NEGR1: variants seen among roughly 807,000 people sequenced by gnomAD.
The protein encoded by NEGR1 is neuronal growth regulator 1, also known as IgLON family member 4.
Under a neutral mutation model 40.9 loss-of-function variants are expected in NEGR1, and 10 were observed. The observed-to-expected ratio is 0.24, with a 90% confidence interval of 0.15 to 0.42. The LOEUF (loss-of-function observed/expected upper bound fraction) is 0.42. Among genes scored for constraint, NEGR1 ranks in the 10% least tolerant of loss-of-function variants. The probability of loss-of-function intolerance (pLI) is 1.00; values close to 1 mark genes in which losing one functional copy is unlikely to be tolerated. For synonymous variants in NEGR1, 185 were observed against 166.8 expected (o/e 1.11, Z -0.84); for missense variants, 352 against 438.9 (o/e 0.80, Z 1.77).
intron 3 of NEGR1, among the ~76,000 whole-genome samples, chr1:71,748,370 C>T (rs1460340472): frequency 6.6e-6 from 1 of 152,108 alleles, no homozygotes; most frequent in African/African-American, 2.4e-5. Context: ...ATGAAACATA[C>T]AAATAGGTCT....
chr1:71,762,333 T>A (rs527503757), intron 3 of NEGR1, among the ~76,000 whole-genome samples: 1 of 151,714 alleles, frequency 6.6e-6, no homozygotes, highest in East Asian at 1.9e-4. Context: ...ATAATTAAAT[T>A]ACATGTAAAT....
intron 6 of NEGR1, among the ~76,000 whole-genome samples, chr1:71,490,944 T>C (rs1646923619): frequency 6.6e-6 from 1 of 151,996 alleles, no homozygotes; most frequent in Non-Finnish European, 1.5e-5. Context: ...GGGTTTTCCA[T>C]GATGTGCAGT....
At chr1:71,969,375 A>G (rs918563047) in intron 1 of NEGR1, among the ~76,000 whole-genome samples, 3 of 152,184 alleles carry the variant, frequency 2.0e-5, no homozygotes, top group African/African-American at 7.2e-5. Flanking sequence ...AAGAACTAAG[A>G]TTCTTCTGTT....
At chr1:71,729,848 G>GTT (rs571150264) in intron 3 of NEGR1, among the ~76,000 whole-genome samples, 92 of 142,332 alleles carry the variant, frequency 6.5e-4, no homozygotes, top group South Asian at 1.8e-3. Context: ...TTGGTTTTTG[G>GTT]TTTTTTTTTT....
chr1:71,507,827 C>T, intron 6 of NEGR1, among the ~76,000 whole-genome samples: 1 of 152,180 alleles, frequency 6.6e-6, no homozygotes, highest in East Asian at 1.9e-4. Context: ...CATCCCCCTT[C>T]TTCTGGAAAG....
intron 1 of NEGR1, among the ~76,000 whole-genome samples, chr1:72,097,650 C>T (rs768919771): frequency 2.0e-5 from 3 of 152,172 alleles, no homozygotes; most frequent in Non-Finnish European, 4.4e-5. Context: ...TTTCATGCTT[C>T]GCAAAAGATT....
At chr1:71,559,011 G>C (rs898569192) in intron 6 of NEGR1, among the ~76,000 whole-genome samples, 16 of 57,462 alleles carry the variant, frequency 2.8e-4, no homozygotes, top group Non-Finnish European at 4.5e-4. Flanking sequence ...TATCTTCTCT[G>C]TGTGTGTGTA....
chr1:71,412,826 C>T (rs976227529), intron 6 of NEGR1, among the ~76,000 whole-genome samples: 18 of 151,924 alleles, frequency 1.2e-4, no homozygotes, highest in Admixed American at 7.2e-4. Flanking sequence ...AGAGAGAATA[C>T]GCAGCCCTTT....
At chr1:72,207,817 T>C (rs558796063) in intron 1 of NEGR1, among the ~76,000 whole-genome samples, 1 of 151,886 alleles carries the variant, frequency 6.6e-6, no homozygotes, top group South Asian at 2.1e-4. Flanking sequence ...CAAGTACAAC[T>C]AGTTAGCTTT....
chr1:72,147,402 A>G (rs1650949898), intron 1 of NEGR1, among the ~76,000 whole-genome samples: 1 of 152,070 alleles, frequency 6.6e-6, no homozygotes. Flanking sequence ...ATTCACTATC[A>G]CAAGAATAGC....
At chr1:71,863,059 G>C (rs996649641) in intron 2 of NEGR1, among the ~76,000 whole-genome samples, 1 of 151,960 alleles carries the variant, frequency 6.6e-6, no homozygotes, top group African/African-American at 2.4e-5. Flanking sequence ...AAGGACCTAG[G>C]AGCAGAAATA....
At chr1:71,479,924 A>G (rs569237672) in intron 6 of NEGR1, among the ~76,000 whole-genome samples, 1 of 152,024 alleles carries the variant, frequency 6.6e-6, no homozygotes, top group South Asian at 2.1e-4. Flanking sequence ...ATTGTTTAGC[A>G]TGCTTTAAGT....
chr1:71,745,795 C>T (rs1477368102), intron 3 of NEGR1, among the ~76,000 whole-genome samples: 1 of 152,174 alleles, frequency 6.6e-6, no homozygotes, highest in African/African-American at 2.4e-5. Context: ...ACCAAACAAA[C>T]AAACAAACAG....
intron 2 of NEGR1, among the ~76,000 whole-genome samples, chr1:71,832,428 T>C (rs1288701529): frequency 1.3e-5 from 2 of 152,002 alleles, no homozygotes; most frequent in African/African-American, 4.8e-5. Context: ...AGAAGCCCTC[T>C]AAGGCACTAG....
intron 1 of NEGR1, among the ~76,000 whole-genome samples, chr1:72,251,472 G>T (rs904049081): frequency 1.3e-4 from 19 of 151,994 alleles, no homozygotes; most frequent in Admixed American, 3.3e-4. Flanking sequence ...ATCCATACGG[G>T]GTTAGTTTCA....
At chr1:71,813,240 G>A (rs923497868) in intron 2 of NEGR1, among the ~76,000 whole-genome samples, 6 of 152,030 alleles carry the variant, frequency 3.9e-5, no homozygotes, top group Non-Finnish European at 8.8e-5. Flanking sequence ...TCAGATGGTC[G>A]TAGATGTGCA....
chr1:72,115,684 C>T (rs1326089874), intron 1 of NEGR1, among the ~76,000 whole-genome samples: 2 of 151,628 alleles, frequency 1.3e-5, no homozygotes, highest in Non-Finnish European at 3.0e-5. Flanking sequence ...GAGAGCTCTC[C>T]AGGTATTTAG....
intron 4 of NEGR1, among the ~76,000 whole-genome samples, chr1:71,677,730 T>C (rs949846457): frequency 6.6e-6 from 1 of 152,164 alleles, no homozygotes; most frequent in Non-Finnish European, 1.5e-5. Flanking sequence ...TGGGGTTTAG[T>C]AATGTCCTTA....
At chr1:71,723,815 T>G (rs2101656222) in intron 3 of NEGR1, among the ~76,000 whole-genome samples, 1 of 152,208 alleles carries the variant, frequency 6.6e-6, no homozygotes, top group African/African-American at 2.4e-5. Context: ...CTCGGATTTG[T>G]AATTGGTGTG....
Sources: gnomAD v4.1 joint callset for allele counts (sites outside exome capture counted in the v4.1 genomes callset) on GRCh38, gnomAD v4.1.1 for gene constraint, MANE v1.5 for transcripts, NCBI Gene and HGNC (gene_info 2026-07-23, HGNC 2026-07-21) for gene names.